YAP1: variants seen among roughly 807,000 people sequenced by gnomAD.
YAP1 encodes the protein Yes1 associated transcriptional regulator, also known as transcriptional coactivator YAP1.
Under a neutral mutation model 56.9 loss-of-function variants are expected in YAP1, and 5 were observed. That is an observed-to-expected ratio of 0.09 (90% CI 0.05 to 0.18). The LOEUF (loss-of-function observed/expected upper bound fraction) is 0.18. YAP1 is among the 10% of genes least tolerant of loss of function. The pLI, the probability that YAP1 is intolerant of heterozygous loss-of-function variation, is 1.00. For synonymous variants in YAP1, 265 were observed against 248.1 expected (o/e 1.07, Z -0.64); for missense variants, 539 against 651.8 (o/e 0.83, Z 1.88).
chr11:102,178,566 A>G (rs1470851983), intron 3 of YAP1, among the ~76,000 whole-genome samples: 1 of 152,260 alleles, frequency 6.6e-6, no homozygotes. Context: ...TTTTTAAAAT[A>G]TCACAGGGAG....
chr11:102,148,754 CAT>C (rs1251325553), intron 2 of YAP1, among the ~76,000 whole-genome samples: 14 of 152,218 alleles, frequency 9.2e-5, no homozygotes, highest in African/African-American at 3.1e-4. Context: ...CTTTTAAGAA[CAT>C]ATACAAATTA....
chr11:102,128,808 A>G lies in YAP1; in HGVS notation c.572+14414A>G, dbSNP rs528647441. Among the ~76,000 whole-genome samples, 8 of 152,306 alleles carry G rather than the reference A, an allele frequency of 5.3e-5. No individual in the cohort carries two copies. In the East Asian group the frequency reaches 9.6e-4, roughly 18 times the overall value. The stretch of plus-strand genomic sequence containing the variant: ...TATGTATGATAAGGGAGGTAGTCCT[A>G]TCTGTTCGTTTGCCATTTCCAAGTT... On this transcript the variant is annotated intron_variant, in intron 2 of 8. Transcript: ENST00000282441.
intron 1 of YAP1, 101 bp downstream of exon 1, chr11:102,111,270 T>G (rs1419103386): frequency 2.1e-6 from 3 of 1,419,010 alleles, no homozygotes; most frequent in Non-Finnish European, 2.8e-6. Context: ...GGGAGGGGGG[T>G]TGCGGGAACT....
At chr11:102,196,349 TGTG>T (rs1452358620) in intron 4 of YAP1, among the ~76,000 whole-genome samples, 2 of 152,118 alleles carry the variant, frequency 1.3e-5, no homozygotes, top group African/African-American at 4.8e-5. Flanking sequence ...GCTAACAAAA[TGTG>T]GTATATTCAT....
chr11:102,183,702 C>CTGTGTG (rs140546191), intron 3 of YAP1, among the ~76,000 whole-genome samples: 21,041 of 141,652 alleles, frequency 0.15, 1,655 homozygotes, highest in Non-Finnish European at 0.18. Context: ...AATGCTGTTT[C>CTGTGTG]TGTGTGTGTG....
At chr11:102,166,852 C>T (rs1467708534) in intron 3 of YAP1, among the ~76,000 whole-genome samples, 1 of 152,126 alleles carries the variant, frequency 6.6e-6, no homozygotes, top group African/African-American at 2.4e-5. Context: ...GATCTTGTTC[C>T]TCATCCAACT....
intron 3 of YAP1, among the ~76,000 whole-genome samples, chr11:102,164,034 AT>A (rs570625635): frequency 0.011 from 1,597 of 142,768 alleles, 6 homozygotes; most frequent in African/African-American, 0.025. Context: ...TTAAGTAAAA[AT>A]TTTTTTTTTT....
chr11:102,169,015 T>C (rs551600100), intron 3 of YAP1, among the ~76,000 whole-genome samples: 1 of 152,276 alleles, frequency 6.6e-6, no homozygotes, highest in East Asian at 1.9e-4. Context: ...CCTTTGAAAC[T>C]GAGAGACAGT....
At chr11:102,155,579 T>G (rs963025439) in intron 2 of YAP1, among the ~76,000 whole-genome samples, 1 of 152,230 alleles carries the variant, frequency 6.6e-6, no homozygotes, top group East Asian at 1.9e-4. Context: ...GTCAGCAGTT[T>G]ACGTTACAAG....
intron 4 of YAP1, among the ~76,000 whole-genome samples, chr11:102,197,487 CAT>C (rs906361946): frequency 6.7e-6 from 1 of 149,748 alleles, no homozygotes; most frequent in Middle Eastern, 3.2e-3. Context: ...TGGAAATTCA[CAT>C]GTTTAGAATG....
intron 4 of YAP1, among the ~76,000 whole-genome samples, chr11:102,196,794 T>C (rs913988010): frequency 6.6e-6 from 1 of 152,126 alleles, no homozygotes; most frequent in African/African-American, 2.4e-5. Context: ...TTTAGGTATA[T>C]AGTGTATTGA....
intron 3 of YAP1, among the ~76,000 whole-genome samples, chr11:102,181,243 C>T (rs368679035): frequency 1.3e-5 from 2 of 151,650 alleles, no homozygotes; most frequent in East Asian, 1.9e-4. Flanking sequence ...CAGGAGATCG[C>T]GACAATCCTG....
chr11:102,191,338 G>A (rs1253961689), intron 4 of YAP1, among the ~76,000 whole-genome samples: 2 of 151,418 alleles, frequency 1.3e-5, no homozygotes, highest in Non-Finnish European at 2.9e-5. Context: ...CAGCCATTAC[G>A]ATTCCTCGGA....
Position 102,110,654 on chromosome 11 carries a change from G to A in YAP1, c.-195G>A, listed in dbSNP as rs578121849. On this transcript the variant is annotated 5_prime_UTR_variant, in exon 1 of 9. Transcript: ENST00000282441. ...CAGCCGCCAGACCAGTGGAGCCGGG[G>A]CGCAGGGCGGGGGCGGAGGCGCCGG... 115 of 319,510 alleles carry A rather than the reference G, an allele frequency of 3.6e-4. No individual in the cohort carries two copies. Among genetic ancestry groups the A allele is most frequent in the Middle Eastern group, 3.1e-3 (3 of 962 alleles). 19.8% of individuals were successfully genotyped at this position (319,510 alleles called of 1,614,324 possible). A position where few individuals can be genotyped will look rare whatever the true frequency, so the allele number is the denominator to read the frequency against.
intron 2 of YAP1, among the ~76,000 whole-genome samples, chr11:102,116,260 G>A (rs962983145): frequency 2.0e-5 from 3 of 152,016 alleles, no homozygotes; most frequent in African/African-American, 7.3e-5. Flanking sequence ...TAGCCTTTAC[G>A]TTGTATTAAG....
chr11:102,204,854 G>A (rs1949042298), intron 4 of YAP1, among the ~76,000 whole-genome samples: 1 of 152,144 alleles, frequency 6.6e-6, no homozygotes, highest in African/African-American at 2.4e-5. Flanking sequence ...TCTGGAAGAG[G>A]CTGTGTAAGA....
chr11:102,179,807 C>T (rs1017298563), intron 3 of YAP1, among the ~76,000 whole-genome samples: 1 of 152,044 alleles, frequency 6.6e-6, no homozygotes, highest in Non-Finnish European at 1.5e-5. Context: ...ATTGCTCCAT[C>T]TCCAGGGCCT....
intron 2 of YAP1, among the ~76,000 whole-genome samples, chr11:102,149,749 A>G (rs1334643639): frequency 6.6e-6 from 1 of 152,152 alleles, no homozygotes; most frequent in African/African-American, 2.4e-5. Context: ...ATAAAAGATT[A>G]AATTAATTTT....
chr11:102,219,675 T>C (rs1460150902), intron 6 of YAP1, among the ~76,000 whole-genome samples: 1 of 151,930 alleles, frequency 6.6e-6, no homozygotes, highest in African/African-American at 2.4e-5. Context: ...TAAATGAAGT[T>C]ACTTTTGAGG....
Sources: gnomAD v4.1 joint callset for allele counts (sites outside exome capture counted in the v4.1 genomes callset) on GRCh38, gnomAD v4.1.1 for gene constraint, MANE v1.5 for transcripts, NCBI Gene and HGNC (gene_info 2026-07-23, HGNC 2026-07-21) for gene names.